The following TRMT44 variants were observed in gnomAD, a reference collection of about 807,000 sequenced individuals.
TRMT44 encodes the protein tRNA methyltransferase 44 homolog.
Under a neutral mutation model 77.3 loss-of-function variants are expected in TRMT44, and 78 were observed. That is an observed-to-expected ratio of 1.01 (90% confidence interval 0.84 to 1.22). The LOEUF is 1.22. Among genes scored for constraint, TRMT44 ranks in the 50% most tolerant of loss-of-function variants. The probability of loss-of-function intolerance (pLI) is 0.00; values close to 1 mark genes in which losing one functional copy is unlikely to be tolerated. For synonymous variants in TRMT44, 391 were observed against 383.3 expected (o/e 1.02, Z -0.23); for missense variants, 1,090 against 964.4 (o/e 1.13, Z -1.73).
the TRMT44 span, among the ~76,000 whole-genome samples, chr4:8,505,419 C>G: frequency 6.6e-6 from 1 of 152,170 alleles, no homozygotes; most frequent in African/African-American, 2.4e-5. Flanking sequence ...GCCACCTTGA[C>G]CTCCCAGCAC....
At chr4:8,480,045 A>G (rs775762681), downstream of TRMT44, among the ~76,000 whole-genome samples, 5 of 152,010 alleles carry the variant, frequency 3.3e-5, no homozygotes, top group Non-Finnish European at 5.9e-5. Flanking sequence ...CATGTTGCCC[A>G]GGCTGGTCTT....
At chr4:8,456,427 A>G (rs1041600652) in intron 6 of TRMT44, among the ~76,000 whole-genome samples, 1 of 152,302 alleles carries the variant, frequency 6.6e-6, no homozygotes, top group African/African-American at 2.4e-5. Flanking sequence ...AGCAGAGAAA[A>G]GTTACGGCAT....
intron 10 of TRMT44, among the ~76,000 whole-genome samples, chr4:8,472,025 T>C (rs543245116): frequency 4.9e-5 from 7 of 141,838 alleles, no homozygotes; most frequent in South Asian, 4.5e-4. Context: ...TTTTTTTTTT[T>C]CCTCTTTCTG....
chr4:8,516,906 ATGTAACCTTGTAACAG>A, the TRMT44 span, among the ~76,000 whole-genome samples: 1 of 152,240 alleles, frequency 6.6e-6, no homozygotes, highest in African/African-American at 2.4e-5. Flanking sequence ...GGTTGTAACA[ATGTAACCTTGTAACAG>A]TGTAACCTGA....
intron 2 of TRMT44, among the ~76,000 whole-genome samples, chr4:8,481,815 A>G (rs935462214): frequency 6.6e-6 from 1 of 152,158 alleles, no homozygotes; most frequent in Admixed American, 6.5e-5. Context: ...TAGCACACCT[A>G]GGGCAGTCAC....
At chr4:8,504,496 C>T in the TRMT44 span, among the ~76,000 whole-genome samples, 3 of 152,134 alleles carry the variant, frequency 2.0e-5, no homozygotes, top group African/African-American at 7.2e-5. The surrounding 1 kb of genome is among the most constrained non-coding windows in gnomAD (Gnocchi z 5.3). Flanking sequence ...TCCATGCTGA[C>T]CCCCAGCGTG....
downstream of TRMT44, among the ~76,000 whole-genome samples, chr4:8,495,815 T>G (rs983705831): frequency 6.6e-6 from 1 of 152,176 alleles, no homozygotes; most frequent in South Asian, 2.1e-4. Context: ...CCTCCTTTTT[T>G]TGCTGGCAGT....
At chr4:8,462,176 C>CAAA (rs1368091466) in intron 6 of TRMT44, among the ~76,000 whole-genome samples, 11 of 151,468 alleles carry the variant, frequency 7.3e-5, no homozygotes, top group East Asian at 5.9e-4. Flanking sequence ...TTTGGGAGGC[C>CAAA]GAGGTGGGCA....
downstream of TRMT44, among the ~76,000 whole-genome samples, chr4:8,496,915 C>T (rs1728166349): frequency 6.6e-6 from 1 of 151,538 alleles, no homozygotes; most frequent in South Asian, 2.1e-4. Flanking sequence ...TGTGATGGGG[C>T]CCTGGGCTTA....
chr4:8,498,312 G>A (rs1303442849), downstream of TRMT44, among the ~76,000 whole-genome samples: 1 of 152,154 alleles, frequency 6.6e-6, no homozygotes, highest in Non-Finnish European at 1.5e-5. The surrounding 1 kb of genome is among the most constrained non-coding windows in gnomAD (Gnocchi z 4.3). Context: ...CTCCCTTCTT[G>A]TAGGGGTGTT....
the TRMT44 span, among the ~76,000 whole-genome samples, chr4:8,508,343 A>T: frequency 6.6e-6 from 1 of 152,016 alleles, no homozygotes; most frequent in Non-Finnish European, 1.5e-5. Flanking sequence ...CTGCGGCTGG[A>T]GGTTGGCCTG....
chr4:8,448,261 T>C (rs535054375), intron 2 of TRMT44, among the ~76,000 whole-genome samples: 1 of 152,342 alleles, frequency 6.6e-6, no homozygotes, highest in Non-Finnish European at 1.5e-5. Context: ...TCTTCGCAGC[T>C]GGATTCATTT....
rs1272218351 is a variant in TRMT44 at position 8,449,855 on chromosome 4, G to C, written c.921G>C (p.Gln307His). 2.6e-6 allele frequency: 4 copies of C among 1,533,646 alleles called. No individual in the cohort carries two copies. Among genetic ancestry groups the C allele is most frequent in the Admixed American group, 2.0e-5 (1 of 50,876 alleles). ...ISIMKYSKAYQELKEKYKEMV... is the reference protein window; with the variant it reads ...ISIMKYSKAYHELKEKYKEMV... The stretch of plus-strand genomic sequence containing the variant: ...TTATGAAGTATAGCAAGGCTTACCA[G>C]GAACTTAAAGAGAAGTATAAGGAAA... Residue 307 changes from glutamine to histidine, a missense_variant, in exon 3 of 11, where the codon CAG becomes CAC. By Grantham distance (24) the Gln-to-His change is conservative (BLOSUM62 0). Transcript: ENST00000389737.
At chr4:8,480,550 C>T (rs923867308), downstream of TRMT44, among the ~76,000 whole-genome samples, 2 of 152,330 alleles carry the variant, frequency 1.3e-5, no homozygotes, top group African/African-American at 2.4e-5. Context: ...TCTCTTAATG[C>T]GCTTGCTCTA....
At chr4:8,490,945 G>A (rs1026471335) in intron 2 of TRMT44, among the ~76,000 whole-genome samples, 4 of 152,142 alleles carry the variant, frequency 2.6e-5, no homozygotes, top group Non-Finnish European at 4.4e-5. Context: ...TCGACACAAA[G>A]GTTCTCCGAG....
chr4:8,511,124 C>T, the TRMT44 span: 2 of 152,232 alleles, frequency 1.3e-5, no homozygotes, highest in Non-Finnish European at 2.9e-5. Context: ...GAACCCCAGG[C>T]AGCCTCGTGG....
In TRMT44 at chr4:8,469,755, G is replaced by GCCTTGCTGTGAGAAGGGAGGAGCTGTGC. The variant is rs1481465284; in HGVS notation, c.1928-1324_1928-1323insCTGTGAGAAGGGAGGAGCTGTGCCCTTG. Reference sequence around the variant, plus strand: ...GGGCTTGTTAGGGACTCTCCACGTGGCCTTGGCCTCTCAGCCCACTGCCTC... The same window carrying GCCTTGCTGTGAGAAGGGAGGAGCTGTGC: ...GGGCTTGTTAGGGACTCTCCACGTGGCCTTGCTGTGAGAAGGGAGGAGCTGTGCCCTTGGCCTCTCAGCCCACTGCCTC... On this transcript the variant is annotated intron_variant, in intron 9 of 10. Coordinates refer to ENST00000389737, the MANE Select transcript of TRMT44 (RefSeq NM_152544.3). Among the ~76,000 whole-genome samples the GCCTTGCTGTGAGAAGGGAGGAGCTGTGC allele has an allele frequency of 1.1e-4, 16 of 152,350 alleles. No individual in the cohort carries two copies. The East Asian group carries it at 2.9e-3, about 28-fold the overall frequency.
chr4:8,494,422 T>C (rs936649653), downstream of TRMT44, among the ~76,000 whole-genome samples: 79 of 152,322 alleles, frequency 5.2e-4, no homozygotes, highest in African/African-American at 1.8e-3. Flanking sequence ...TCCTGTGCCC[T>C]ACGTTTGTTT....
At chr4:8,491,826 G>A (rs1728017463) in intron 2 of TRMT44, among the ~76,000 whole-genome samples, 1 of 152,256 alleles carries the variant, frequency 6.6e-6, no homozygotes, top group African/African-American at 2.4e-5. Flanking sequence ...GGAGCCAGCT[G>A]TGGCCTTGGC....
Sources: gnomAD v4.1 joint callset for allele counts (sites outside exome capture counted in the v4.1 genomes callset) on GRCh38, gnomAD v4.1.1 for gene constraint, Gnocchi (gnomAD v3.1) non-coding constraint, MANE v1.5 for transcripts, NCBI Gene and HGNC (gene_info 2026-07-23, HGNC 2026-07-21) for gene names.